Variants in ZBTB43 observed in about 807,000 individuals in gnomAD.
ZBTB43 encodes zinc finger and BTB domain containing 43.
A neutral mutation model predicts 31.1 loss-of-function variants in ZBTB43; 6 were observed. The ratio of observed to expected loss-of-function variants is 0.19; its 90% confidence interval spans 0.11 to 0.38. ZBTB43 has a LOEUF of 0.38. Ranked by LOEUF, ZBTB43 falls within the 10% of genes least tolerant of loss-of-function variation. The probability of loss-of-function intolerance (pLI) is 1.00; values close to 1 mark genes in which losing one functional copy is unlikely to be tolerated. For synonymous variants in ZBTB43, 212 were observed against 221.7 expected (o/e 0.96, Z 0.39); for missense variants, 379 against 602.1 (o/e 0.63, Z 3.88).
chr9:126,833,581 AAAG>A lies in ZBTB43; in HGVS notation c.1079_1081del (p.Glu360del), dbSNP rs752229229. 19 of 1,614,110 alleles carry A rather than the reference AAAG, an allele frequency of 1.2e-5. No homozygotes were observed. The highest frequency in any genetic ancestry group is 1.6e-4 in the Middle Eastern group (1 of 6,062). On this transcript the variant is annotated inframe_deletion, in exon 3 of 3. Coordinates refer to ENST00000373464, the MANE Select transcript of ZBTB43 (RefSeq NM_014007.4). The surrounding 1 kb of genome is among the most constrained non-coding windows in gnomAD (Gnocchi z 7.9). Reference sequence around the variant, plus strand: ...GAATATTGAAATGGTAACAGGGATTAAAGAAGAAGCTTCCCACTTAGGATTCTC... The same window carrying A: ...GAATATTGAAATGGTAACAGGGATTAAAGAAGCTTCCCACTTAGGATTCTC...
chr9:126,820,532 T>C (rs970377157), intron 2 of ZBTB43, among the ~76,000 whole-genome samples: 6 of 152,212 alleles, frequency 3.9e-5, no homozygotes, highest in African/African-American at 7.2e-5. Context: ...TTACTGCTCA[T>C]TGAGAAGGCA....
At chr9:126,815,391 T>C (rs1318277134) in intron 2 of ZBTB43, among the ~76,000 whole-genome samples, 1 of 148,708 alleles carries the variant, frequency 6.7e-6, no homozygotes, top group Admixed American at 6.7e-5. Flanking sequence ...ATGTGTCTGA[T>C]AGCTTATCAC....
intron 2 of ZBTB43, among the ~76,000 whole-genome samples, chr9:126,822,255 G>A (rs2032529610): frequency 6.6e-6 from 1 of 151,196 alleles, no homozygotes; most frequent in South Asian, 2.1e-4. Flanking sequence ...GCTCAGAGAA[G>A]CCAAAAAATT....
chr9:126,815,695 A>C (rs1308675541), intron 2 of ZBTB43, among the ~76,000 whole-genome samples: 1 of 149,080 alleles, frequency 6.7e-6, no homozygotes, highest in Non-Finnish European at 1.5e-5. Context: ...GTCTGTACCT[A>C]ACATGCTTAA....
chr9:126,815,343 T>G (rs2032358549), intron 2 of ZBTB43, among the ~76,000 whole-genome samples: 1 of 145,332 alleles, frequency 6.9e-6, no homozygotes. Context: ...TATATATAGT[T>G]TTCAATATAT....
intron 2 of ZBTB43, among the ~76,000 whole-genome samples, chr9:126,817,781 A>G (rs2032422059): frequency 6.6e-6 from 1 of 152,114 alleles, no homozygotes; most frequent in Admixed American, 6.5e-5. Flanking sequence ...TGGCCCCATG[A>G]GGTTTTTTAG....
At position 126,833,104 on chromosome 9, in the gene ZBTB43, T is replaced by C; in HGVS notation, c.595T>C (p.Ser199Pro). ...CGAGCACGAATACCTGCCCAGCAAC[T>C]CGTCCACAGAGCATGACCGCCTGAG... is the stretch of plus-strand genomic sequence containing the variant. ...LTEHEYLPSNSSTEHDRLSTE... is the reference protein window; with the variant it reads ...LTEHEYLPSNPSTEHDRLSTE... Residue 199 changes from serine (S) to proline (P), a missense_variant, in exon 3 of 3, where the codon TCG (serine) becomes CCG (proline). Transcript: ENST00000373464. The surrounding 1 kb of genome is among the most constrained non-coding windows in gnomAD (Gnocchi z 7.9). 1 of 1,613,984 alleles carries C rather than the reference T, an allele frequency of 6.2e-7. No individual in the cohort carries two copies. The highest frequency in any genetic ancestry group is 8.5e-7 in the Non-Finnish European group (1 of 1,180,012).
chr9:126,813,760 T>C (rs996620081), intron 2 of ZBTB43, among the ~76,000 whole-genome samples: 1 of 151,736 alleles, frequency 6.6e-6, no homozygotes, highest in East Asian at 1.9e-4. Flanking sequence ...GCTTGTAGGG[T>C]TTTTTTTGTT....
In ZBTB43 at chr9:126,837,805, G is replaced by GATA. The variant is rs1413488670; in HGVS notation, c.*3892_*3893insATA. 1.8e-5 allele frequency: 3 copies of GATA among 165,158 alleles called. No individual in the cohort carries two copies. The highest frequency in any genetic ancestry group is 4.4e-5 in the Non-Finnish European group (3 of 67,868). The allele number at this position is 165,158 out of a possible 1,614,324, so 10.2% of individuals were successfully genotyped here. A position where few individuals can be genotyped will look rare whatever the true frequency, so the allele number is the denominator to read the frequency against. On this transcript the variant is annotated 3_prime_UTR_variant, in exon 3 of 3. Transcript: ENST00000373464. ...CAAATCTCTACTGATAGTGCCCTAT[G>GATA]GGGAGATGCTGGAACACATTTTGCA...
At position 126,810,178 on chromosome 9, in the gene ZBTB43, ATTTG is replaced by A. The variant is rs776538657; in HGVS notation, c.-24+1271_-24+1274del. Among the ~76,000 whole-genome samples, 24 of 150,766 alleles carry A rather than the reference ATTTG, an allele frequency of 1.6e-4. 1 individual carries two copies. The highest frequency in any genetic ancestry group is 3.3e-4 in the Admixed American group (5 of 15,082). On this transcript the variant is annotated intron_variant, in intron 2 of 2. Coordinates refer to ENST00000373464, the MANE Select transcript of ZBTB43 (RefSeq NM_014007.4). ...TATTAAGGTTTTTGTTTGTTTGTTC[ATTTG>A]TTTGTTTATTTGTTTGTTTGTTTGT... is the stretch of plus-strand genomic sequence containing the variant.
chr9:126,830,349 A>G (rs1309936686), intron 2 of ZBTB43, among the ~76,000 whole-genome samples: 1 of 152,216 alleles, frequency 6.6e-6, no homozygotes, highest in African/African-American at 2.4e-5. Flanking sequence ...TTTATATCAT[A>G]CTTAGAAAAC....
intron 2 of ZBTB43, among the ~76,000 whole-genome samples, chr9:126,822,639 C>G (rs1422334495): frequency 1.3e-5 from 2 of 152,120 alleles, no homozygotes; most frequent in Admixed American, 1.3e-4. Context: ...CCTTGGGAGG[C>G]TGAGGCAGGA....
At position 126,807,416 on chromosome 9, in the gene ZBTB43, G is replaced by T. The variant is rs12344658; in HGVS notation, c.-146-1377G>T. Among the ~76,000 whole-genome samples the T allele has an allele frequency of 3.4e-3, 514 of 152,218 alleles. 5 individuals carry two copies. The highest frequency in any genetic ancestry group is 0.016 in the East Asian group (85 of 5,182). The stretch of plus-strand genomic sequence containing the variant: ...CTGTGCACTTTTCAATTCAGAGTGT[G>T]TCCATATTTTTTCTAGAGTGTCATC... On this transcript the variant is annotated intron_variant, in intron 1 of 2. Coordinates refer to ENST00000373464, the MANE Select transcript of ZBTB43 (RefSeq NM_014007.4).
intron 2 of ZBTB43, among the ~76,000 whole-genome samples, chr9:126,825,536 C>T (rs1307623854): frequency 2.0e-5 from 3 of 152,174 alleles, no homozygotes; most frequent in African/African-American, 7.2e-5. Context: ...AGCTTGCAGA[C>T]AGCCTCCTTC....
intron 1 of ZBTB43, among the ~76,000 whole-genome samples, chr9:126,805,766 C>G (rs2032112920): frequency 1.3e-5 from 2 of 152,248 alleles, no homozygotes; most frequent in Admixed American, 6.5e-5. Context: ...AGCCCTTACT[C>G]TAATTCAGGG....
intron 2 of ZBTB43, among the ~76,000 whole-genome samples, chr9:126,826,490 A>G (rs1226164682): frequency 2.6e-5 from 2 of 78,358 alleles, no homozygotes; most frequent in East Asian, 7.2e-4. Context: ...TTGAGACAGA[A>G]TCTCGTATTG....
At chr9:126,826,978 T>C (rs1418632000) in intron 2 of ZBTB43, among the ~76,000 whole-genome samples, 6 of 152,252 alleles carry the variant, frequency 3.9e-5, no homozygotes, top group African/African-American at 1.2e-4. Context: ...TGTGTGCTTT[T>C]ACTTTCTTGT....
intron 2 of ZBTB43, among the ~76,000 whole-genome samples, chr9:126,813,828 A>G (rs1033880299): frequency 6.6e-6 from 1 of 151,968 alleles, no homozygotes. Context: ...CTCCTACCCT[A>G]TTGCCTTGTC....
At position 126,833,105 on chromosome 9, in the gene ZBTB43, C is replaced by T. The variant is rs1286662747; in HGVS notation, c.596C>T (p.Ser199Leu). Residue 199 changes from serine (S) to leucine (L), a missense_variant, in exon 3 of 3, where the codon TCG (serine) becomes TTG (leucine). Physicochemically the swap from Ser to Leu is moderately radical, Grantham distance 145. Around this residue, in one of 5 missense-constraint regions of ZBTB43, gnomAD observed 253 missense variants for 322.3 expected, o/e 0.79. Transcript: ENST00000373464. This position sits in a 1 kb window ranked among gnomAD's most constrained non-coding sequence, Gnocchi z 7.9. ...GAGCACGAATACCTGCCCAGCAACT[C>T]GTCCACAGAGCATGACCGCCTGAGC... is the stretch of plus-strand genomic sequence containing the variant. ...LTEHEYLPSN[S>L]STEHDRLSTE... The T allele has an allele frequency of 3.7e-6, 6 of 1,614,112 alleles. No individual in the cohort carries two copies. The highest frequency in any genetic ancestry group is 5.1e-6 in the Non-Finnish European group (6 of 1,180,038).
Sources: allele counts gnomAD v4.1 joint callset (sites outside exome capture counted in the v4.1 genomes callset), GRCh38; gene constraint gnomAD v4.1.1; regional missense constraint gnomAD v4.1.1; non-coding constraint Gnocchi (gnomAD v3.1); transcripts MANE v1.5; gene names NCBI Gene and HGNC (gene_info 2026-07-23, HGNC 2026-07-21).